Variants in SETD2 observed in about 807,000 individuals in gnomAD.
SETD2 encodes the protein SET domain containing 2, histone lysine methyltransferase.
A neutral mutation model predicts 242.1 loss-of-function variants in SETD2; 31 were observed. The observed-to-expected ratio is 0.13, with a 90% CI of 0.10 to 0.17. The LOEUF is 0.17. Ranked by LOEUF, SETD2 falls within the 10% of genes least tolerant of loss-of-function variation. The pLI, the probability that SETD2 is intolerant of heterozygous loss-of-function variation, is 1.00. For missense variants in SETD2, 2,481 were observed against 3,046.3 expected (o/e 0.81, Z 4.37); for synonymous variants, 1,006 against 1,066.5 (o/e 0.94, Z 1.11).
At chr3:47,112,867 A>C (rs1575796519) in intron 5 of SETD2, among the ~76,000 whole-genome samples, 1 of 152,130 alleles carries the variant, frequency 6.6e-6, no homozygotes, top group South Asian at 2.1e-4. Context: ...TGGGATTACA[A>C]GCATGAGTCA....
intron 2 of SETD2, among the ~76,000 whole-genome samples, chr3:47,126,204 T>C (rs1313573388): frequency 2.0e-5 from 3 of 152,174 alleles, no homozygotes; most frequent in Non-Finnish European, 2.9e-5. Context: ...TTATTTTTAG[T>C]AGAGATGGGG....
At chr3:47,093,723 C>CA (rs1480804105) in intron 9 of SETD2, among the ~76,000 whole-genome samples, 2 of 152,130 alleles carry the variant, frequency 1.3e-5, no homozygotes, top group Non-Finnish European at 2.9e-5. Context: ...GGTATATGTT[C>CA]TTTCACTTCA....
intron 13 of SETD2, among the ~76,000 whole-genome samples, chr3:47,066,124 T>C (rs931363933): frequency 6.6e-6 from 1 of 152,234 alleles, no homozygotes; most frequent in African/African-American, 2.4e-5. Flanking sequence ...AAGACCTCTA[T>C]GATGATCTAT....
chr3:47,020,207 C>T (rs146838212), intron 18 of SETD2, among the ~76,000 whole-genome samples: 4 of 152,228 alleles, frequency 2.6e-5, no homozygotes, highest in South Asian at 4.1e-4. Context: ...ACCTCTGACA[C>T]TCTAGGATTC....
At chr3:47,118,887 G>C (rs1021812702) in intron 3 of SETD2, among the ~76,000 whole-genome samples, 1 of 151,720 alleles carries the variant, frequency 6.6e-6, no homozygotes, top group Non-Finnish European at 1.5e-5. Flanking sequence ...AATTCCTAAA[G>C]GGTACTACTT....
intron 1 of SETD2, among the ~76,000 whole-genome samples, chr3:47,156,435 AAC>A: frequency 6.6e-6 from 1 of 152,356 alleles, no homozygotes; most frequent in Non-Finnish European, 1.5e-5. Flanking sequence ...TTCTTAGGAA[AAC>A]ACAGTTGTAT....
At chr3:47,083,340 T>C (rs1427012636) in intron 12 of SETD2, among the ~76,000 whole-genome samples, 2 of 152,226 alleles carry the variant, frequency 1.3e-5, no homozygotes, top group Non-Finnish European at 2.9e-5. Flanking sequence ...AGTTTTCCAA[T>C]TATTTTTAAT....
chr3:47,033,764 C>T (rs567607645), intron 18 of SETD2, among the ~76,000 whole-genome samples: 1 of 143,100 alleles, frequency 7.0e-6, no homozygotes, highest in South Asian at 2.3e-4. Context: ...CGGGTTCAAG[C>T]GATTCTCTTG....
In SETD2 at chr3:47,041,638, C is replaced by T. The variant is rs137874851; in HGVS notation, c.7238+923G>A. 7.0e-3 allele frequency among the ~76,000 whole-genome samples: 1,055 copies of T among 150,620 alleles called. 8 individuals are homozygous for T. Among genetic ancestry groups the T allele is most frequent in the Non-Finnish European group, 0.011 (749 of 67,466 alleles). On this transcript the variant is annotated intron_variant, in intron 17 of 20. Transcript: ENST00000409792. ...GATTATATAGATGGGTGTATATATA[C>T]ACACACACACACACAGAGACACACA...
At position 47,057,037 on chromosome 3, in the gene SETD2, G is replaced by A. The variant is rs1292161591; in HGVS notation, c.6747C>T (p.His2249=). The change falls in exon 15 of 21, where the codon CAC becomes CAT. Residue 2249 remains histidine (H), a synonymous_variant. Coordinates refer to ENST00000409792, the MANE Select transcript of SETD2 (RefSeq NM_014159.7). ...QYVAQSDGVV[H]QDSSVAVLPV... is the part of the protein sequence containing the mutation. ...GCAAGACAGCAACGCTGGAGTCTTG[G>A]TGTACTACACCATCACTCTGGGCCA... The A allele has an allele frequency of 3.0e-5, 49 of 1,614,152 alleles. No individual in the cohort carries two copies. The highest frequency in any genetic ancestry group is 1.3e-4 in the Admixed American group (8 of 60,012).
At chr3:47,147,753 C>T (rs1452934749) in intron 1 of SETD2, among the ~76,000 whole-genome samples, 2 of 151,382 alleles carry the variant, frequency 1.3e-5, no homozygotes, top group East Asian at 3.9e-4. Flanking sequence ...AACCCTGTCT[C>T]TACTAAAAAT....
At chr3:47,092,035 T>C (rs1000888844) in intron 9 of SETD2, among the ~76,000 whole-genome samples, 6 of 152,214 alleles carry the variant, frequency 3.9e-5, no homozygotes, top group African/African-American at 1.2e-4. Context: ...TTTACATTCA[T>C]TCAATAACAT....
At chr3:47,105,683 T>C in intron 6 of SETD2, 1 of 450,324 alleles carries the variant, frequency 2.2e-6, no homozygotes, top group African/African-American at 2.0e-5. Context: ...CTCAATGCTT[T>C]GGTGAGGTCA....
intron 1 of SETD2, among the ~76,000 whole-genome samples, chr3:47,142,647 G>C (rs1401072611): frequency 6.6e-6 from 1 of 151,850 alleles, no homozygotes; most frequent in East Asian, 1.9e-4. Context: ...AGGTGGGGAA[G>C]GGGAATACCA....
At chr3:47,124,673 A>T in intron 2 of SETD2, 125 bp from the exon 3 acceptor site, 1 of 796,056 alleles carries the variant, frequency 1.3e-6, no homozygotes, top group Non-Finnish European at 1.9e-6. Context: ...TATGAATTTC[A>T]CTAAGCTATA....
chr3:47,108,707 G>C (rs976908496), intron 5 of SETD2, among the ~76,000 whole-genome samples: 1 of 152,140 alleles, frequency 6.6e-6, no homozygotes, highest in African/African-American at 2.4e-5. Context: ...GTTTGAGCTT[G>C]AGGAAGCAGC....
intron 18 of SETD2, among the ~76,000 whole-genome samples, chr3:47,025,245 G>A (rs989913057): frequency 2.0e-5 from 3 of 152,154 alleles, no homozygotes; most frequent in Non-Finnish European, 4.4e-5. Context: ...TGAGGGTGCA[G>A]GCCATCCATG....
chr3:47,086,677 T>C (rs1361278785), intron 10 of SETD2, among the ~76,000 whole-genome samples: 2 of 151,880 alleles, frequency 1.3e-5, no homozygotes, highest in East Asian at 3.8e-4. Context: ...AATAATTCTT[T>C]CTTCTCTCCC....
chr3:47,049,898 TAA>T (rs1428898535), intron 15 of SETD2, among the ~76,000 whole-genome samples: 2 of 109,088 alleles, frequency 1.8e-5, no homozygotes, highest in Non-Finnish European at 3.6e-5. Flanking sequence ...ATTATATATA[TAA>T]ACTTATTCTG....
Sources: allele counts gnomAD v4.1 joint callset (sites outside exome capture counted in the v4.1 genomes callset), GRCh38; gene constraint gnomAD v4.1.1; transcripts MANE v1.5; gene names NCBI Gene and HGNC (gene_info 2026-07-23, HGNC 2026-07-21).